Variants in NLGN1 observed in about 807,000 individuals in gnomAD.
The protein encoded by NLGN1 is neuroligin 1.
NLGN1 carries 12 observed loss-of-function variants against 65.5 expected under a neutral mutation model. That is an observed-to-expected ratio of 0.18 (90% CI 0.12 to 0.30). NLGN1 has a LOEUF of 0.30. NLGN1 is among the 10% of genes least tolerant of loss of function. The probability of loss-of-function intolerance (pLI) is 1.00; values close to 1 mark genes in which losing one functional copy is unlikely to be tolerated. For synonymous variants in NLGN1, 350 were observed against 359.5 expected (o/e 0.97, Z 0.30); for missense variants, 750 against 1,007.1 (o/e 0.74, Z 3.46).
intron 4 of NLGN1, among the ~76,000 whole-genome samples, chr3:173,971,689 G>A (rs189133738): frequency 8.5e-5 from 13 of 152,056 alleles, no homozygotes; most frequent in Non-Finnish European, 1.6e-4. Flanking sequence ...GGGCTTCCTC[G>A]GGACCATTAC....
At chr3:174,046,032 C>T (rs1733505439) in intron 4 of NLGN1, among the ~76,000 whole-genome samples, 1 of 152,108 alleles carries the variant, frequency 6.6e-6, no homozygotes. Flanking sequence ...AATATTTGGT[C>T]ATTATACTCT....
At chr3:174,112,554 C>T (rs528984510) in intron 4 of NLGN1, among the ~76,000 whole-genome samples, 5 of 151,978 alleles carry the variant, frequency 3.3e-5, no homozygotes, top group African/African-American at 9.6e-5. Flanking sequence ...GTATTCTGCT[C>T]ACTGTTCAAT....
chr3:174,170,331 G>T (rs2152732383), intron 4 of NLGN1, among the ~76,000 whole-genome samples: 1 of 152,140 alleles, frequency 6.6e-6, no homozygotes, highest in African/African-American at 2.4e-5. Flanking sequence ...TTTCTAGGAA[G>T]TTTTAGTTTT....
At chr3:173,692,899 A>G (rs770102600) in intron 3 of NLGN1, among the ~76,000 whole-genome samples, 16 of 152,068 alleles carry the variant, frequency 1.1e-4, no homozygotes, top group Non-Finnish European at 1.5e-4. Flanking sequence ...AACAGGTACT[A>G]TATAGAGTCA....
At chr3:174,285,745 G>T (rs185153784) in exon 7 of NLGN1, 1 of 151,422 alleles carries the variant, frequency 6.6e-6, no homozygotes. Context: ...TGGAATAACC[G>T]TGTGCAGGGC....
chr3:173,834,365 T>C (rs1300371018), intron 4 of NLGN1, among the ~76,000 whole-genome samples: 10 of 152,184 alleles, frequency 6.6e-5, no homozygotes, highest in Non-Finnish European at 1.0e-4. Flanking sequence ...TATTTTTACT[T>C]TATATATTTT....
At chr3:173,400,313 A>G (rs1406517164) in intron 1 of NLGN1, among the ~76,000 whole-genome samples, 2 of 152,140 alleles carry the variant, frequency 1.3e-5, no homozygotes, top group Non-Finnish European at 2.9e-5. Context: ...GTGGCTCCTT[A>G]TAGATTATTA....
chr3:173,844,184 G>T (rs987485739), intron 4 of NLGN1, among the ~76,000 whole-genome samples: 2 of 151,960 alleles, frequency 1.3e-5, no homozygotes, highest in African/African-American at 2.4e-5. Flanking sequence ...AACCTCCCAC[G>T]GGGTCCCTCC....
intron 4 of NLGN1, among the ~76,000 whole-genome samples, chr3:173,821,849 T>C (rs1720369762): frequency 2.0e-5 from 3 of 152,172 alleles, no homozygotes; most frequent in Admixed American, 6.6e-5. Flanking sequence ...ATAATTCATT[T>C]ACCTATTTTT....
intron 4 of NLGN1, among the ~76,000 whole-genome samples, chr3:174,125,668 A>G (rs903790546): frequency 6.6e-6 from 1 of 152,138 alleles, no homozygotes; most frequent in African/African-American, 2.4e-5. Flanking sequence ...TTGGCAGAAT[A>G]TACATGCACA....
At chr3:173,547,308 A>C (rs1267102972) in intron 2 of NLGN1, among the ~76,000 whole-genome samples, 1 of 152,072 alleles carries the variant, frequency 6.6e-6, no homozygotes, top group African/African-American at 2.4e-5. Context: ...TATAGCGCAT[A>C]CTCTGAAAGA....
chr3:173,709,803 CAAAA>C (rs59998502), intron 3 of NLGN1, among the ~76,000 whole-genome samples: 1 of 69,276 alleles, frequency 1.4e-5, no homozygotes, highest in Non-Finnish European at 2.7e-5. Context: ...AACTCTATCT[CAAAA>C]AAAAAAAAAA....
At chr3:173,612,242 A>T (rs1455492395) in intron 3 of NLGN1, among the ~76,000 whole-genome samples, 1 of 152,148 alleles carries the variant, frequency 6.6e-6, no homozygotes, top group African/African-American at 2.4e-5. Flanking sequence ...TTGTAGAAGC[A>T]TAATTTCTAA....
chr3:174,281,315 A>G (rs748151706), exon 7 of NLGN1: 1 of 1,563,978 alleles, frequency 6.4e-7, no homozygotes, highest in Non-Finnish European at 8.8e-7. Context: ...CAGATAAGAG[A>G]AACAAACTAT....
At chr3:174,195,967 C>T (rs540854866) in intron 4 of NLGN1, among the ~76,000 whole-genome samples, 15 of 152,158 alleles carry the variant, frequency 9.9e-5, no homozygotes, top group African/African-American at 2.6e-4. Context: ...CTGGAGTCCC[C>T]GGGCTCCTTA....
At chr3:173,712,990 A>G (rs986589200) in intron 3 of NLGN1, among the ~76,000 whole-genome samples, 28 of 152,136 alleles carry the variant, frequency 1.8e-4, no homozygotes, top group African/African-American at 6.8e-4. Context: ...ACAATGATAT[A>G]CTTAAAGACA....
At chr3:173,780,286 T>C (rs1284839067) in intron 3 of NLGN1, among the ~76,000 whole-genome samples, 1 of 152,244 alleles carries the variant, frequency 6.6e-6, no homozygotes, top group Non-Finnish European at 1.5e-5. Context: ...CTGTATGATA[T>C]ATAAATACAT....
chr3:173,834,053 A>G (rs1034528018), intron 4 of NLGN1, among the ~76,000 whole-genome samples: 1 of 152,182 alleles, frequency 6.6e-6, no homozygotes, highest in Admixed American at 6.5e-5. Flanking sequence ...TTGGTACATG[A>G]AAGAAAAAAA....
intron 3 of NLGN1, among the ~76,000 whole-genome samples, chr3:173,750,708 G>A (rs1418157880): frequency 1.3e-5 from 2 of 151,952 alleles, no homozygotes; most frequent in Non-Finnish European, 2.9e-5. Context: ...GGTTTCTTTT[G>A]ATAGAAAGGC....
Sources: allele counts gnomAD v4.1 joint callset (sites outside exome capture counted in the v4.1 genomes callset), GRCh38; gene constraint gnomAD v4.1.1; transcripts MANE v1.5; gene names NCBI Gene and HGNC (gene_info 2026-07-23, HGNC 2026-07-21).